Variants in EHMT1 observed in about 807,000 individuals in gnomAD.
EHMT1 encodes euchromatic histone lysine methyltransferase 1.
Under a neutral mutation model 147.2 loss-of-function variants are expected in EHMT1, and 15 were observed. The observed-to-expected ratio is 0.10, with a 90% CI of 0.07 to 0.16. The LOEUF is 0.16. Among genes scored for constraint, EHMT1 ranks in the 10% least tolerant of loss-of-function variants. The pLI, the probability that EHMT1 is intolerant of heterozygous loss-of-function variation, is 1.00. For synonymous variants in EHMT1, 795 were observed against 709.6 expected (o/e 1.12, Z -1.91); for missense variants, 1,587 against 1,772.4 (o/e 0.90, Z 1.88).
chr9:137,634,698 TTC>T (rs1843858622), intron 1 of EHMT1, among the ~76,000 whole-genome samples: 1 of 150,788 alleles, frequency 6.6e-6, no homozygotes, highest in Non-Finnish European at 1.5e-5. Flanking sequence ...TTTTCTTTCT[TTC>T]TTCTTTCTTT....
At chr9:137,735,581 C>A (rs2135914377) in intron 4 of EHMT1, among the ~76,000 whole-genome samples, 1 of 152,258 alleles carries the variant, frequency 6.6e-6, no homozygotes, top group South Asian at 2.1e-4. Flanking sequence ...ATGAAGATTT[C>A]CAATCAAAAG....
intron 16 of EHMT1, among the ~76,000 whole-genome samples, chr9:137,798,216 G>C (rs1423491622): frequency 6.6e-6 from 1 of 152,142 alleles, no homozygotes; most frequent in African/African-American, 2.4e-5. Flanking sequence ...CCTAGGCAGT[G>C]TAGCAAGACC....
At chr9:137,821,614 G>C (rs1471227297) in intron 25 of EHMT1, among the ~76,000 whole-genome samples, 1 of 152,178 alleles carries the variant, frequency 6.6e-6, no homozygotes, top group Non-Finnish European at 1.5e-5. Flanking sequence ...TTGCAGGAGT[G>C]AGCCACTGTG....
At chr9:137,633,242 G>T (rs535407855) in intron 1 of EHMT1, among the ~76,000 whole-genome samples, 7 of 152,018 alleles carry the variant, frequency 4.6e-5, no homozygotes, top group Non-Finnish European at 7.4e-5. Context: ...TAGTATTTCA[G>T]ACTCATGCAC....
At chr9:137,647,487 C>T (rs919880546) in intron 1 of EHMT1, among the ~76,000 whole-genome samples, 1 of 152,074 alleles carries the variant, frequency 6.6e-6, no homozygotes, top group Non-Finnish European at 1.5e-5. Context: ...AGCTTCTTCT[C>T]CCTGCTTTTT....
rs1024648251 is a variant in EHMT1 at position 137,716,057 on chromosome 9, G to A, written c.86-569G>A. Among the ~76,000 whole-genome samples the A allele has an allele frequency of 2.4e-4, 33 of 138,608 alleles. 1 individual carries two copies. Among genetic ancestry groups the A allele is most frequent in the Admixed American group, 1.4e-3 (20 of 14,024 alleles). 90.9% of individuals were successfully genotyped at this position (138,608 alleles called of 152,430 possible). On this transcript the variant is annotated intron_variant, in intron 2 of 26. Transcript: ENST00000460843. ...GGGGAGGAAATTGTGTTGGTGTCAT[G>A]GTGGGGGGAGGAAATTGTGGTGTCG... is the stretch of plus-strand genomic sequence containing the variant.
chr9:137,780,112 GGATGTGTGGTGATGACGCTGA>G lies in EHMT1; in HGVS notation c.2275+434_2275+454del, dbSNP rs1227623684. On this transcript the variant is annotated intron_variant, in intron 14 of 26. Transcript: ENST00000460843. ...ATGATGCTGAGATGTGATGACGCTG[GGATGTGTGGTGATGACGCTGA>G]GATGTGTGGTGATGACGCTGAGATG... 9.4e-3 allele frequency among the ~76,000 whole-genome samples: 1,336 copies of G among 142,582 alleles called. 7 individuals are homozygous for G. Among genetic ancestry groups the G allele is most frequent in the Non-Finnish European group, 0.011 (743 of 65,852 alleles). The allele number at this position is 142,582 out of a possible 152,430, so 93.5% of individuals were successfully genotyped here. A position where few individuals can be genotyped will look rare whatever the true frequency, so the allele number is the denominator to read the frequency against.
At position 137,775,421 on chromosome 9, in the gene EHMT1, C is replaced by T. The variant is rs1271638337; in HGVS notation, c.1791+169C>T. ...TTCACAAGCCCCTCACCACCCCTGTCGAGCCCCAGTGCCTTAGACACCTTC... is the reference window on the plus strand; with the variant it reads ...TTCACAAGCCCCTCACCACCCCTGTTGAGCCCCAGTGCCTTAGACACCTTC... On this transcript the variant is annotated intron_variant, in intron 11 of 26. Coordinates refer to ENST00000460843, the MANE Select transcript of EHMT1 (RefSeq NM_024757.5). The surrounding 1 kb of genome is among the most constrained non-coding windows in gnomAD (Gnocchi z 6.1). 6.6e-6 allele frequency among the ~76,000 whole-genome samples: 1 copy of T among 151,924 alleles called. No homozygotes were observed. Among genetic ancestry groups the T allele is most frequent in the African/African-American group, 2.4e-5 (1 of 41,402 alleles).
At chr9:137,791,593 A>C (rs2137122346) in intron 16 of EHMT1, among the ~76,000 whole-genome samples, 1 of 152,348 alleles carries the variant, frequency 6.6e-6, no homozygotes, top group African/African-American at 2.4e-5. Flanking sequence ...AAACTAACAA[A>C]CATTGCTGAA....
intron 12 of EHMT1, 125 bp from the exon 13 acceptor site, chr9:137,777,757 G>A: frequency 7.2e-7 from 1 of 1,384,436 alleles, no homozygotes; most frequent in Admixed American, 1.7e-5. Flanking sequence ...TTAAATCCAG[G>A]GACTAAGCGG....
At chr9:137,798,477 G>T in intron 16 of EHMT1, among the ~76,000 whole-genome samples, 2 of 152,302 alleles carry the variant, frequency 1.3e-5, no homozygotes, top group South Asian at 4.1e-4. Flanking sequence ...AGTCCCTGGC[G>T]TTTCCGGAGC....
rs562357453 is a variant in EHMT1 at position 137,701,274 on chromosome 9, C to CT, written c.22-9681dup. On this transcript the variant is annotated intron_variant, in intron 1 of 26. Transcript: ENST00000460843. ...TAAATCTCATGTCCTTTTCACATTT[C>CT]TTTTTTTTTTTTCTCTTGTTTTTTT... Among the ~76,000 whole-genome samples the CT allele has an allele frequency of 1.2e-3, 175 of 145,726 alleles. 1 individual carries two copies. In the South Asian group the frequency reaches 0.016, roughly 13 times the overall value.
Position 137,834,689 on chromosome 9 carries a change from G to A in EHMT1, c.3717-84G>A, listed in dbSNP as rs191408763. The A allele has an allele frequency of 2.3e-4, 372 of 1,607,518 alleles. No homozygotes were observed. In the African/African-American group the frequency reaches 4.8e-3, roughly 21 times the overall value. ...CGGCACGGCAGATCGGGGTGAGGAA[G>A]CTTTGGCCTTGCCTTAATTTATCTG... On this transcript the variant is annotated intron_variant, in intron 26 of 26. Transcript: ENST00000460843.
chr9:137,765,760 C>T (rs1339816961), intron 10 of EHMT1, among the ~76,000 whole-genome samples: 2 of 151,444 alleles, frequency 1.3e-5, no homozygotes, highest in Admixed American at 1.3e-4. Flanking sequence ...CGCCCACTTC[C>T]AGGGTCAGTT....
At chr9:137,734,297 G>A (rs757747160) in intron 4 of EHMT1, among the ~76,000 whole-genome samples, 3 of 152,146 alleles carry the variant, frequency 2.0e-5, no homozygotes, top group African/African-American at 4.8e-5. Context: ...GCTAGAAAAC[G>A]TAAAAAGGAA....
At chr9:137,833,831 G>C (rs1956397022) in intron 25 of EHMT1, among the ~76,000 whole-genome samples, 2 of 152,222 alleles carry the variant, frequency 1.3e-5, no homozygotes, top group Admixed American at 1.3e-4. Flanking sequence ...CCGCCTGACG[G>C]TCCTCCCTGG....
In EHMT1 at chr9:137,786,043, T is replaced by A. The variant is rs1207091787; in HGVS notation, c.2382+3646T>A. 8 of 152,578 alleles carry A rather than the reference T, an allele frequency of 5.2e-5. No homozygotes were observed. Among genetic ancestry groups the A allele is most frequent in the Non-Finnish European group, 1.0e-4 (7 of 68,294 alleles). The allele number at this position is 152,578 out of a possible 1,614,324, so 9.5% of individuals were successfully genotyped here. ...GTGGCCTGGCCCTGCCAGGGCTCCC[T>A]GCTGACTGCCTGTGCTCTGTGCTTG... is the stretch of plus-strand genomic sequence containing the variant. On this transcript the variant is annotated intron_variant, in intron 15 of 26. Transcript: ENST00000460843. The surrounding 1 kb of genome is among the most constrained non-coding windows in gnomAD (Gnocchi z 4.3).
In EHMT1 at chr9:137,744,049, A is replaced by G; in HGVS notation, c.1129A>G (p.Thr377Ala). The change falls in exon 6 of 27, where the codon ACT becomes GCT. Residue 377 changes from threonine (T) to alanine (A), a missense_variant. By Grantham distance (58) the Thr-to-Ala change is moderately conservative. Coordinates refer to ENST00000460843, the MANE Select transcript of EHMT1 (RefSeq NM_024757.5). ...CGCGTTCCCCACAGAGGACAGCAGG[A>G]CTTCCAAGGAGAGCATGTCGGAGGC... ...AAAFPTEDSR[T>A]SKESMSEADR... 1.2e-6 allele frequency: 2 copies of G among 1,614,146 alleles called. No homozygotes were observed. The highest frequency in any genetic ancestry group is 1.7e-6 in the Non-Finnish European group (2 of 1,180,024).
intron 2 of EHMT1, chr9:137,715,644 G>A (rs1945144228): frequency 3.0e-6 from 3 of 985,450 alleles, no homozygotes; most frequent in Non-Finnish European, 3.6e-6. Context: ...GAGTGTGTGT[G>A]TCAATCTCGT....
Sources: gnomAD v4.1 joint callset for allele counts (sites outside exome capture counted in the v4.1 genomes callset) on GRCh38, gnomAD v4.1.1 for gene constraint, Gnocchi (gnomAD v3.1) non-coding constraint, MANE v1.5 for transcripts, NCBI Gene and HGNC (gene_info 2026-07-23, HGNC 2026-07-21) for gene names.